The following TMEM116 variants were observed in gnomAD, a reference collection of about 807,000 sequenced individuals.
TMEM116 encodes transmembrane protein 116.
Under a neutral mutation model 44.3 loss-of-function variants are expected in TMEM116, and 38 were observed. The ratio of observed to expected loss-of-function variants is 0.86; its 90% CI spans 0.66 to 1.12. TMEM116 has a LOEUF of 1.12. Among genes scored for constraint, TMEM116 ranks in the 50% most tolerant of loss-of-function variants. The pLI is 0.00. For missense variants in TMEM116, 354 were observed against 401.7 expected (o/e 0.88, Z 1.01); for synonymous variants, 132 against 144.8 (o/e 0.91, Z 0.64).
chr12:112,006,049 C>T, intron 1 of TMEM116: 1 of 933,628 alleles, frequency 1.1e-6, no homozygotes, highest in Non-Finnish European at 1.3e-6. Flanking sequence ...TAGTCAGGTT[C>T]TGAATCCTGA....
intron 4 of TMEM116, among the ~76,000 whole-genome samples, chr12:111,943,669 G>A (rs1456859599): frequency 2.0e-5 from 3 of 152,132 alleles, no homozygotes; most frequent in East Asian, 1.9e-4. Context: ...CGAGTAGCTG[G>A]GATTACAGAC....
intron 3 of TMEM116, among the ~76,000 whole-genome samples, chr12:111,995,790 G>A (rs978945776): frequency 3.3e-5 from 5 of 151,906 alleles, no homozygotes; most frequent in African/African-American, 1.2e-4. Flanking sequence ...TAACATTTTG[G>A]GAGGCCGAGG....
chr12:111,987,524 AG>A (rs1400686546), intron 4 of TMEM116, among the ~76,000 whole-genome samples: 1 of 150,756 alleles, frequency 6.6e-6, no homozygotes, highest in Non-Finnish European at 1.5e-5. Flanking sequence ...AAAAAAAAAA[AG>A]GGGGAAAGGA....
chr12:112,010,402 T>C (rs1192282154), intron 1 of TMEM116: 2 of 152,254 alleles, frequency 1.3e-5, no homozygotes, highest in East Asian at 3.8e-4. Flanking sequence ...AGGAAAAGAA[T>C]GAGGTACGTG....
At position 111,931,374 on chromosome 12, in the gene TMEM116, A is replaced by C. The variant is rs2071631084; in HGVS notation, c.*247T>G. 2.0e-6 allele frequency: 1 copy of C among 507,582 alleles called. No individual in the cohort carries two copies. Among genetic ancestry groups the C allele is most frequent in the African/African-American group, 2.0e-5 (1 of 50,398 alleles). The allele number at this position is 507,582 out of a possible 1,614,324, so 31.4% of individuals were successfully genotyped here. On this transcript the variant is annotated 3_prime_UTR_variant, in exon 11 of 11. Transcript: ENST00000552374. ...ATATCCATCAAGGTAACACGAGTCT[A>C]TCTCTGAGATGGAAAGTGTCTTCCT...
At chr12:111,935,654 G>T (rs1418078184) in intron 8 of TMEM116, 3 of 152,196 alleles carry the variant, frequency 2.0e-5, no homozygotes, top group Non-Finnish European at 4.3e-5. Flanking sequence ...GTGTGTGTGT[G>T]TGTGTGTTTT....
intron 4 of TMEM116, among the ~76,000 whole-genome samples, chr12:111,969,772 G>T (rs756742414): frequency 7.7e-5 from 11 of 143,494 alleles, no homozygotes; most frequent in Admixed American, 4.8e-4. Flanking sequence ...TAGAGACGGG[G>T]TTTCTCCATG....
rs2076722692 is a variant in TMEM116 at position 111,993,236 on chromosome 12, C to T, written c.79-1347G>A. 7.0e-6 allele frequency: 3 copies of T among 429,584 alleles called. No individual in the cohort carries two copies. In the Admixed American group the frequency reaches 8.1e-5, roughly 12 times the overall value. The allele number at this position is 429,584 out of a possible 1,614,324, so 26.6% of individuals were successfully genotyped here. A position where few individuals can be genotyped will look rare whatever the true frequency, so the allele number is the denominator to read the frequency against. On this transcript the variant is annotated intron_variant, in intron 3 of 10. Transcript: ENST00000552374. ...GTTGTGGTCTGACACACACTGCGGT[C>T]ATTCCCCTGGGTTTAGTGAAATGCT...
intron 9 of TMEM116, among the ~76,000 whole-genome samples, chr12:111,932,967 G>A (rs2071781937): frequency 6.6e-6 from 1 of 152,170 alleles, no homozygotes. Flanking sequence ...CTGGGCGGGC[G>A]CAGTGGCTCA....
chr12:111,981,486 G>A (rs943637104), intron 4 of TMEM116, among the ~76,000 whole-genome samples: 1 of 152,168 alleles, frequency 6.6e-6, no homozygotes, highest in Non-Finnish European at 1.5e-5. Context: ...TTGCAGCTAC[G>A]TGTTTTGGTG....
intron 4 of TMEM116, among the ~76,000 whole-genome samples, chr12:111,963,429 C>G (rs1404234378): frequency 6.6e-6 from 1 of 152,170 alleles, no homozygotes; most frequent in Non-Finnish European, 1.5e-5. Flanking sequence ...AACCCAAATG[C>G]CCGTCAATGA....
chr12:111,940,893 A>C (rs2072757307), intron 5 of TMEM116, among the ~76,000 whole-genome samples: 2 of 152,142 alleles, frequency 1.3e-5, no homozygotes, highest in Admixed American at 1.3e-4. Flanking sequence ...TGAGTGAATG[A>C]ATGAATAAAT....
intron 1 of TMEM116, 70 bp from the exon 2 acceptor site, chr12:112,005,373 T>G: frequency 9.4e-7 from 1 of 1,065,410 alleles, no homozygotes; most frequent in East Asian, 3.3e-5. Context: ...AGTTCATTAT[T>G]AACTATCTGT....
At chr12:111,934,091 T>A in intron 8 of TMEM116, 61 bp from the exon 9 acceptor site, 1 of 1,552,598 alleles carries the variant, frequency 6.4e-7, no homozygotes, top group Non-Finnish European at 8.8e-7. Flanking sequence ...CCCAGGTCTA[T>A]CCTCCTATCA....
At chr12:112,002,595 C>A (rs1039429232) in intron 3 of TMEM116, among the ~76,000 whole-genome samples, 17 of 151,030 alleles carry the variant, frequency 1.1e-4, no homozygotes, top group East Asian at 5.8e-4. Context: ...AAGAAAAAAG[C>A]AAAAAACCCC....
rs900107384 is a variant in TMEM116 at position 112,013,019 on chromosome 12, C to T, written c.-51G>A. ...AGACTGACCGAGGGTTGGAGCGGGTCCCAACCAACTGCCTGACGGCCCAAA... is the reference window on the plus strand; with the variant it reads ...AGACTGACCGAGGGTTGGAGCGGGTTCCAACCAACTGCCTGACGGCCCAAA... On this transcript the variant is annotated 5_prime_UTR_variant, in exon 1 of 11. Transcript: ENST00000552374. The T allele has an allele frequency of 6.2e-6, 1 of 161,240 alleles. No homozygotes were observed. Among genetic ancestry groups the T allele is most frequent in the African/African-American group, 2.4e-5 (1 of 41,780 alleles). The allele number at this position is 161,240 out of a possible 1,614,324, so 10.0% of individuals were successfully genotyped here.
intron 5 of TMEM116, among the ~76,000 whole-genome samples, chr12:111,942,410 C>G (rs2072910877): frequency 6.6e-6 from 1 of 151,914 alleles, no homozygotes; most frequent in Admixed American, 6.6e-5. Context: ...GTAGCTGGGA[C>G]TACAGGCGCC....
intron 4 of TMEM116, among the ~76,000 whole-genome samples, chr12:111,951,121 C>T (rs1308794993): frequency 2.0e-5 from 3 of 152,234 alleles, no homozygotes; most frequent in Non-Finnish European, 4.4e-5. Flanking sequence ...ATCAAAATCA[C>T]AATGAGATAC....
intron 4 of TMEM116, 124 bp downstream of exon 4, chr12:111,991,634 T>C: frequency 1.1e-6 from 1 of 950,448 alleles, no homozygotes; most frequent in Non-Finnish European, 1.4e-6. Flanking sequence ...AGATAAAAGC[T>C]ATTGTTTCAA....
Sources: allele counts gnomAD v4.1 joint callset (sites outside exome capture counted in the v4.1 genomes callset), GRCh38; gene constraint gnomAD v4.1.1; transcripts MANE v1.5; gene names NCBI Gene and HGNC (gene_info 2026-07-23, HGNC 2026-07-21).